SLC7A7: variants seen among roughly 807,000 people sequenced by gnomAD.
SLC7A7 encodes Y+L amino acid transporter 1.
Under a neutral mutation model 47.9 loss-of-function variants are expected in SLC7A7, and 39 were observed. The ratio of observed to expected loss-of-function variants is 0.81; its 90% confidence interval spans 0.63 to 1.06. The LOEUF is 1.06. Ranked by LOEUF, SLC7A7 falls within the 50% of genes least tolerant of loss-of-function variation. SLC7A7 has a pLI of 0.00. For missense variants in SLC7A7, 588 were observed against 632.0 expected (o/e 0.93, Z 0.75); for synonymous variants, 234 against 242.8 (o/e 0.96, Z 0.34).
chr14:22,782,399 G>A (rs2038734517), intron 2 of SLC7A7, among the ~76,000 whole-genome samples: 1 of 143,992 alleles, frequency 6.9e-6, no homozygotes, highest in Admixed American at 7.2e-5. Flanking sequence ...CACCGCGCCC[G>A]GCCTATATTT....
At chr14:22,782,449 T>G (rs1347659808) in intron 2 of SLC7A7, among the ~76,000 whole-genome samples, 1 of 148,676 alleles carries the variant, frequency 6.7e-6, no homozygotes, top group Non-Finnish European at 1.5e-5. Context: ...GACTTATTTA[T>G]TTATTTATTT....
chr14:22,774,624 T>G (rs979573908), intron 7 of SLC7A7, 121 bp from the exon 8 acceptor site: 1 of 1,330,964 alleles, frequency 7.5e-7, no homozygotes, highest in African/African-American at 1.4e-5. Context: ...GGTCCTCTTC[T>G]GGTTTTAATC....
intron 4 of SLC7A7, among the ~76,000 whole-genome samples, chr14:22,778,114 A>C (rs4981439): frequency 0.13 from 20,503 of 152,142 alleles, 1,809 homozygotes; most frequent in African/African-American, 0.25. Flanking sequence ...ACTCCCTGGC[A>C]AATCTTAGTT....
rs767790580 is a variant in SLC7A7, at chr14:22,776,337, A to G, written c.771-19T>C. The G allele has an allele frequency of 1.9e-6, 3 of 1,614,058 alleles. No individual in the cohort carries two copies. In the African/African-American group the frequency reaches 4.0e-5, roughly 22 times the overall value. ...CAGGTTCCTACAGCCAAATAGAATA[A>G]AATGCACATTAGTCCCACAGTCATA... On this transcript the variant is annotated intron_variant, in intron 4 of 9. Transcript: ENST00000674313.
intron 2 of SLC7A7, among the ~76,000 whole-genome samples, chr14:22,794,502 A>G (rs2038978460): frequency 6.6e-6 from 1 of 152,166 alleles, no homozygotes. Flanking sequence ...GGTCAGTTCA[A>G]GTCCTCAGGT....
chr14:22,778,315 A>G (rs1455760038), intron 4 of SLC7A7, among the ~76,000 whole-genome samples: 1 of 152,042 alleles, frequency 6.6e-6, no homozygotes, highest in Non-Finnish European at 1.5e-5. Context: ...CTATATATAG[A>G]CTACAGAGCA....
intron 6 of SLC7A7, 95 bp downstream of exon 6, chr14:22,775,734 CGGTT>C (rs2038589817): frequency 1.0e-6 from 1 of 979,716 alleles, no homozygotes; most frequent in Non-Finnish European, 1.7e-6. Context: ...GTTGTGGTAT[CGGTT>C]GGAGAACACA....
chr14:22,798,684 G>A (rs181586946), intron 2 of SLC7A7, among the ~76,000 whole-genome samples: 4 of 152,208 alleles, frequency 2.6e-5, no homozygotes, highest in Non-Finnish European at 5.9e-5. Flanking sequence ...TGAAGAGCAT[G>A]TCTACATTCC....
chr14:22,776,342 C>G (rs752907321), intron 4 of SLC7A7, 24 bp from the exon 5 acceptor site: 36 of 1,614,012 alleles, frequency 2.2e-5, no homozygotes, highest in Non-Finnish European at 3.0e-5. Flanking sequence ...GAATAAAATG[C>G]ACATTAGTCC....
rs113285148 is a variant in SLC7A7, at chr14:22,792,867, A to AAGAGAGAGAGAGAGAGAGAGAGAG, written c.500-12840_500-12817dup. ...TGTGAGGCCCCGTCTCAAAGAAAGA[A>AAGAGAGAGAGAGAGAGAGAGAGAG]AGAGAGAGAGAGAGAGAGAGAGAGA... On this transcript the variant is annotated intron_variant, in intron 2 of 9. Transcript: ENST00000674313. Among the ~76,000 whole-genome samples the AAGAGAGAGAGAGAGAGAGAGAGAG allele has an allele frequency of 2.3e-3, 283 of 122,510 alleles. 2 individuals are homozygous for AAGAGAGAGAGAGAGAGAGAGAGAG. Among genetic ancestry groups the AAGAGAGAGAGAGAGAGAGAGAGAG allele is most frequent in the Non-Finnish European group, 3.6e-3 (219 of 60,908 alleles). The allele number at this position is 122,510 out of a possible 152,430, so 80.4% of individuals were successfully genotyped here.
At chr14:22,800,500 A>G (rs867748344) in intron 2 of SLC7A7, among the ~76,000 whole-genome samples, 1 of 152,194 alleles carries the variant, frequency 6.6e-6, no homozygotes, top group South Asian at 2.1e-4. Context: ...AGGCAATGCA[A>G]CTTCCACTTT....
At chr14:22,802,002 A>C (rs1021536118) in intron 2 of SLC7A7, among the ~76,000 whole-genome samples, 15 of 152,232 alleles carry the variant, frequency 9.9e-5, no homozygotes, top group African/African-American at 3.6e-4. Flanking sequence ...CTATGCTAAA[A>C]ATAAATTCCA....
Position 22,773,345 on chromosome 14 carries a change from C to T in SLC7A7, c.*265G>A. On this transcript the variant is annotated 3_prime_UTR_variant, in exon 10 of 10. Coordinates refer to ENST00000674313, the MANE Select transcript of SLC7A7 (RefSeq NM_003982.4). ...GAAAAGAGGAGTAGGTAGGCACACC[C>T]AGGTGCTTCTAAAACAACCAAGCCC... 1 of 575,568 alleles carries T rather than the reference C, an allele frequency of 1.7e-6. No homozygotes were observed. The highest frequency in any genetic ancestry group is 3.3e-6 in the Non-Finnish European group (1 of 306,130). The allele number at this position is 575,568 out of a possible 1,614,324, so 35.7% of individuals were successfully genotyped here.
intron 5 of SLC7A7, 120 bp downstream of exon 5, chr14:22,776,075 C>T (rs1013218593): frequency 1.8e-5 from 27 of 1,493,154 alleles, no homozygotes; most frequent in African/African-American, 1.7e-4. Flanking sequence ...CTTGCAAGCC[C>T]GGTATTCTAA....
intron 2 of SLC7A7, among the ~76,000 whole-genome samples, chr14:22,804,940 G>A (rs996621784): frequency 2.2e-4 from 34 of 152,218 alleles, no homozygotes; most frequent in Non-Finnish European, 5.9e-5. Flanking sequence ...TTGGGAGGCG[G>A]AGGTTGCATT....
chr14:22,813,089 A>C lies in SLC7A7; in HGVS notation c.310T>G (p.Tyr104Asp). The change falls in exon 2 of 10, where the codon TAT (tyrosine) becomes GAT (aspartate). Residue 104 changes from tyrosine to aspartate, a missense_variant. Tyr to Asp is a radical substitution (Grantham distance 160, BLOSUM62 -3). Transcript: ENST00000674313. ...GTTIKKSGAS[Y>D]AYILEAFGGF... ...CCAAAGGCCTCCAGGATATAGGCAT[A>C]GCTGGCCCCAGATTTCTTAATGGTG... 6.2e-7 allele frequency: 1 copy of C among 1,614,212 alleles called. No homozygotes were observed. Among genetic ancestry groups the C allele is most frequent in the Non-Finnish European group, 8.5e-7 (1 of 1,180,042 alleles).
intron 2 of SLC7A7, among the ~76,000 whole-genome samples, chr14:22,810,132 A>C (rs1244567714): frequency 6.6e-6 from 1 of 151,942 alleles, no homozygotes; most frequent in African/African-American, 2.4e-5. Flanking sequence ...TCGAGGAACA[A>C]GAGCTGTCAG....
chr14:22,797,585 C>T (rs1361792655), intron 2 of SLC7A7, among the ~76,000 whole-genome samples: 1 of 152,020 alleles, frequency 6.6e-6, no homozygotes, highest in African/African-American at 2.4e-5. Context: ...CCACACGTCA[C>T]TGGAGGAGTG....
At chr14:22,774,835 C>G (rs1291749027) in intron 7 of SLC7A7, among the ~76,000 whole-genome samples, 1 of 152,170 alleles carries the variant, frequency 6.6e-6, no homozygotes, top group Admixed American at 6.6e-5. Flanking sequence ...TTGAGTATCC[C>G]TGTTCTGAAA....
Sources: allele counts gnomAD v4.1 joint callset (sites outside exome capture counted in the v4.1 genomes callset), GRCh38; gene constraint gnomAD v4.1.1; transcripts MANE v1.5; gene names NCBI Gene and HGNC (gene_info 2026-07-23, HGNC 2026-07-21).